Variants in CRKL observed in about 807,000 individuals in gnomAD.
CRKL encodes CRK like proto-oncogene, adaptor protein.
A neutral mutation model predicts 23.0 loss-of-function variants in CRKL; 3 were observed. That is an observed-to-expected ratio of 0.13 (90% CI 0.06 to 0.34). CRKL has a LOEUF of 0.34. CRKL is among the 10% of genes least tolerant of loss of function. CRKL has a pLI of 1.00. For synonymous variants in CRKL, 188 were observed against 160.7 expected (o/e 1.17, Z -1.28); for missense variants, 256 against 394.5 (o/e 0.65, Z 2.97).
intron 1 of CRKL, among the ~76,000 whole-genome samples, chr22:20,927,727 C>G (rs1388167777): frequency 1.4e-5 from 2 of 146,934 alleles, no homozygotes; most frequent in African/African-American, 5.1e-5. Flanking sequence ...CCTGTAATCC[C>G]AGCTACTTGG....
At chr22:20,921,384 A>ATAACCCAGTG (rs546394355) in intron 1 of CRKL, among the ~76,000 whole-genome samples, 1 of 152,244 alleles carries the variant, frequency 6.6e-6, no homozygotes, top group Non-Finnish European at 1.5e-5. Flanking sequence ...TAAGAGAATT[A>ATAACCCAGTG]TAACCCAGTG....
intron 2 of CRKL, among the ~76,000 whole-genome samples, chr22:20,947,676 ATTTTTTT>A (rs59126952): frequency 1.2e-4 from 11 of 90,526 alleles, no homozygotes; most frequent in Non-Finnish European, 2.3e-4. Context: ...TCTTTTTTTC[ATTTTTTT>A]TTTTTTTTTT....
chr22:20,944,681 G>A (rs1280915570), intron 2 of CRKL, among the ~76,000 whole-genome samples: 2 of 151,934 alleles, frequency 1.3e-5, no homozygotes, highest in African/African-American at 2.4e-5. Flanking sequence ...GGGATTACAG[G>A]CATGAGCCAC....
At chr22:20,943,413 G>A (rs779774994) in intron 2 of CRKL, among the ~76,000 whole-genome samples, 1 of 151,840 alleles carries the variant, frequency 6.6e-6, no homozygotes, top group Admixed American at 6.6e-5. Context: ...CTAATTTTTT[G>A]TATTTTTAGT....
intron 1 of CRKL, 75 bp from the exon 2 acceptor site, chr22:20,933,704 G>A (rs1340057156): frequency 4.3e-6 from 5 of 1,150,102 alleles, no homozygotes; most frequent in Non-Finnish European, 6.2e-6. Context: ...GAGGAGAGTG[G>A]TATATTAAGA....
chr22:20,926,543 C>G (rs1166792361), intron 1 of CRKL, among the ~76,000 whole-genome samples: 1 of 152,012 alleles, frequency 6.6e-6, no homozygotes, highest in Non-Finnish European at 1.5e-5. Flanking sequence ...AAGAATCTTT[C>G]TTTGAGGTAC....
At chr22:20,921,006 A>G (rs1443746164) in intron 1 of CRKL, among the ~76,000 whole-genome samples, 1 of 152,208 alleles carries the variant, frequency 6.6e-6, no homozygotes, top group Non-Finnish European at 1.5e-5. Flanking sequence ...TTACTTTGTT[A>G]TACTGAATCT....
At chr22:20,938,930 G>A (rs574823573) in intron 2 of CRKL, among the ~76,000 whole-genome samples, 1 of 152,272 alleles carries the variant, frequency 6.6e-6, no homozygotes, top group African/African-American at 2.4e-5. Flanking sequence ...TCGTGTGGAG[G>A]AAAAATAGTT....
chr22:20,920,155 C>CCAA, intron 1 of CRKL, among the ~76,000 whole-genome samples: 1 of 152,094 alleles, frequency 6.6e-6, no homozygotes, highest in East Asian at 1.9e-4. Context: ...ATTCATTAAG[C>CCAA]CATGCATATG....
At chr22:20,943,541 T>G (rs1921951790) in intron 2 of CRKL, among the ~76,000 whole-genome samples, 1 of 152,160 alleles carries the variant, frequency 6.6e-6, no homozygotes, top group Non-Finnish European at 1.5e-5. Flanking sequence ...TGCCTGACCT[T>G]AGTTATTGTA....
chr22:20,928,981 T>G (rs1921337291), intron 1 of CRKL, among the ~76,000 whole-genome samples: 1 of 152,104 alleles, frequency 6.6e-6, no homozygotes, highest in African/African-American at 2.4e-5. Flanking sequence ...ATGTAGAAAC[T>G]GAGAACGCTT....
chr22:20,950,889 C>T lies in CRKL; in HGVS notation c.*1044C>T, dbSNP rs935919866. The T allele has an allele frequency of 8.6e-6, 2 of 231,564 alleles. No homozygotes were observed. The highest frequency in any genetic ancestry group is 1.7e-5 in the Non-Finnish European group (2 of 117,058). The allele number at this position is 231,564 out of a possible 1,614,324, so 14.3% of individuals were successfully genotyped here. The stretch of plus-strand genomic sequence containing the variant: ...TGGTTGCCAGTAGTACCTTGTTTTG[C>T]CATGTAGCAGACAACACACAAAATA... On this transcript the variant is annotated 3_prime_UTR_variant, in exon 3 of 3. Coordinates refer to ENST00000354336, the MANE Select transcript of CRKL (RefSeq NM_005207.4).
intron 2 of CRKL, among the ~76,000 whole-genome samples, chr22:20,947,539 C>T (rs955332551): frequency 3.3e-5 from 5 of 149,454 alleles, no homozygotes; most frequent in African/African-American, 4.9e-5. Flanking sequence ...GAGGTTTTGC[C>T]GTGTTGGCCA....
chr22:20,928,199 G>A (rs1463466979), intron 1 of CRKL, among the ~76,000 whole-genome samples: 1 of 151,866 alleles, frequency 6.6e-6, no homozygotes, highest in Non-Finnish European at 1.5e-5. Context: ...GCATGCACCT[G>A]TAGTCCCAAA....
chr22:20,944,188 T>A (rs1013895016), intron 2 of CRKL, among the ~76,000 whole-genome samples: 1 of 144,660 alleles, frequency 6.9e-6, no homozygotes, highest in Non-Finnish European at 1.5e-5. Flanking sequence ...AGGGTCTCAC[T>A]ATGTTGCCCA....
Position 20,950,366 on chromosome 22 carries a change from CTAAT to C in CRKL, c.*528_*531del, listed in dbSNP as rs1416283591. The C allele has an allele frequency of 2.2e-5, 5 of 232,340 alleles. No individual in the cohort carries two copies. Among genetic ancestry groups the C allele is most frequent in the Non-Finnish European group, 4.2e-5 (5 of 117,948 alleles). The allele number at this position is 232,340 out of a possible 1,614,324, so 14.4% of individuals were successfully genotyped here. ...TTTGTTTTGGTTTGGTTTTGGAAAA[CTAAT>C]TAATTAGACTTGTGTGGGGGTTTTT... On this transcript the variant is annotated 3_prime_UTR_variant, in exon 3 of 3. Transcript: ENST00000354336.
chr22:20,920,498 C>CA (rs370186040), intron 1 of CRKL, among the ~76,000 whole-genome samples: 15,848 of 133,500 alleles, frequency 0.12, 869 homozygotes, highest in Non-Finnish European at 0.14. Flanking sequence ...GACTCTGTCT[C>CA]AAAAAAAAAA....
intron 1 of CRKL, among the ~76,000 whole-genome samples, chr22:20,929,142 C>T (rs942443600): frequency 2.0e-5 from 3 of 151,938 alleles, no homozygotes; most frequent in Non-Finnish European, 4.4e-5. Context: ...GCTTGAAAAC[C>T]CTGTGCATTT....
intron 1 of CRKL, among the ~76,000 whole-genome samples, chr22:20,919,691 A>G (rs376617313): frequency 6.6e-5 from 10 of 152,298 alleles, no homozygotes; most frequent in African/African-American, 2.2e-4. Context: ...TTAAACATCT[A>G]TTTTAAAAGG....
Sources: allele counts gnomAD v4.1 joint callset (sites outside exome capture counted in the v4.1 genomes callset), GRCh38; gene constraint gnomAD v4.1.1; transcripts MANE v1.5; gene names NCBI Gene and HGNC (gene_info 2026-07-23, HGNC 2026-07-21).